Variants in AGMO observed in about 807,000 individuals in gnomAD.
AGMO encodes the protein alkylglycerol monooxygenase.
In AGMO, 75 loss-of-function variants were observed where a neutral mutation model predicts 60.2. That is an observed-to-expected ratio of 1.25 (90% confidence interval 1.03 to 1.51). The LOEUF (loss-of-function observed/expected upper bound fraction) is 1.51. Among genes scored for constraint, AGMO ranks in the 40% most tolerant of loss-of-function variants. The pLI is 0.00. For synonymous variants in AGMO, 261 were observed against 177.1 expected (o/e 1.47, Z -3.76); for missense variants, 763 against 525.5 (o/e 1.45, Z -4.42).
chr7:15,364,264 G>C (rs987780574), intron 12 of AGMO, among the ~76,000 whole-genome samples: 1 of 151,768 alleles, frequency 6.6e-6, no homozygotes, highest in Non-Finnish European at 1.5e-5. Context: ...CAAGCAACAT[G>C]TTAGGTTTTG....
intron 3 of AGMO, among the ~76,000 whole-genome samples, chr7:15,431,871 T>A (rs1781250526): frequency 6.6e-6 from 1 of 151,940 alleles, no homozygotes; most frequent in Admixed American, 6.6e-5. Context: ...GTGTGGTTTT[T>A]AAAAAAATTT....
intron 3 of AGMO, among the ~76,000 whole-genome samples, chr7:15,490,314 A>G (rs940411644): frequency 1.3e-5 from 2 of 152,226 alleles, no homozygotes; most frequent in East Asian, 3.8e-4. Flanking sequence ...AGGTTTTACA[A>G]AATGTTTTGG....
the AGMO span, among the ~76,000 whole-genome samples, chr7:15,178,706 CA>C: frequency 6.6e-6 from 1 of 152,094 alleles, no homozygotes; most frequent in Non-Finnish European, 1.5e-5. Flanking sequence ...TAACATTTTG[CA>C]AGTAGTAAAT....
At chr7:15,533,139 A>G (rs1012681654) in intron 3 of AGMO, among the ~76,000 whole-genome samples, 1 of 152,136 alleles carries the variant, frequency 6.6e-6, no homozygotes, top group African/African-American at 2.4e-5. Flanking sequence ...ATACACATGG[A>G]GATATGTCTT....
intron 12 of AGMO, among the ~76,000 whole-genome samples, chr7:15,215,981 T>G (rs1781726719): frequency 6.6e-6 from 1 of 152,094 alleles, no homozygotes; most frequent in Non-Finnish European, 1.5e-5. Context: ...ATACCACTGG[T>G]CATTCAAAGA....
chr7:15,191,602 G>A, the AGMO span, among the ~76,000 whole-genome samples: 12 of 152,248 alleles, frequency 7.9e-5, no homozygotes, highest in Non-Finnish European at 1.5e-4. Flanking sequence ...TAAGGGCAAC[G>A]AAGTAAGTCT....
intron 12 of AGMO, among the ~76,000 whole-genome samples, chr7:15,242,265 T>C (rs1782612781): frequency 6.6e-6 from 1 of 152,162 alleles, no homozygotes; most frequent in South Asian, 2.1e-4. Context: ...TTACTACACA[T>C]GATCTCTTGA....
At chr7:15,498,160 C>T (rs1783284261) in intron 3 of AGMO, among the ~76,000 whole-genome samples, 1 of 151,910 alleles carries the variant, frequency 6.6e-6, no homozygotes, top group Non-Finnish European at 1.5e-5. Flanking sequence ...GGAAAAACAC[C>T]TCAGAATACA....
At chr7:15,393,602 G>A (rs543553672) in intron 6 of AGMO, among the ~76,000 whole-genome samples, 3 of 152,122 alleles carry the variant, frequency 2.0e-5, no homozygotes, top group Admixed American at 1.3e-4. Context: ...GTCTTTAAAC[G>A]TTAGGCACTT....
At chr7:15,396,607 C>T (rs954373760) in intron 5 of AGMO, 1 of 152,268 alleles carries the variant, frequency 6.6e-6, no homozygotes, top group African/African-American at 2.4e-5. Context: ...CTTTTATTCC[C>T]TTATCCGGCC....
chr7:15,449,392 C>T (rs1173815304), intron 3 of AGMO, among the ~76,000 whole-genome samples: 1 of 152,034 alleles, frequency 6.6e-6, no homozygotes. Context: ...AGCCATGTGC[C>T]ACATAATGCG....
At chr7:15,358,916 A>T (rs1012182231) in intron 12 of AGMO, among the ~76,000 whole-genome samples, 2 of 152,180 alleles carry the variant, frequency 1.3e-5, no homozygotes, top group Non-Finnish European at 2.9e-5. Flanking sequence ...AAATGATAGA[A>T]GCGATTTTAA....
chr7:15,413,859 G>A (rs1235450494), intron 5 of AGMO, among the ~76,000 whole-genome samples: 1 of 152,008 alleles, frequency 6.6e-6, no homozygotes, highest in East Asian at 1.9e-4. Context: ...TGAAAACTTA[G>A]GTTAATGGAA....
At chr7:15,244,720 C>G (rs1017266020) in intron 12 of AGMO, among the ~76,000 whole-genome samples, 6 of 152,064 alleles carry the variant, frequency 3.9e-5, no homozygotes, top group Non-Finnish European at 8.8e-5. Context: ...GGCGCGATCT[C>G]GGCTCACTGC....
intron 4 of AGMO, among the ~76,000 whole-genome samples, chr7:15,429,947 T>C (rs1352323723): frequency 6.6e-6 from 1 of 151,990 alleles, no homozygotes; most frequent in Non-Finnish European, 1.5e-5. Context: ...TGGAGGCATG[T>C]AGAAGAGCAT....
At chr7:15,429,758 G>A (rs1049995322) in intron 4 of AGMO, among the ~76,000 whole-genome samples, 1 of 151,960 alleles carries the variant, frequency 6.6e-6, no homozygotes, top group Admixed American at 6.6e-5. Flanking sequence ...TAGCACACAT[G>A]CCAGTGTATT....
At chr7:15,180,343 TA>T in the AGMO span, among the ~76,000 whole-genome samples, 13 of 151,984 alleles carry the variant, frequency 8.6e-5, no homozygotes, top group Admixed American at 2.6e-4. Flanking sequence ...GCTATTTAGA[TA>T]TTTTTTTTCA....
At chr7:15,463,203 T>C (rs909106747) in intron 3 of AGMO, among the ~76,000 whole-genome samples, 4 of 152,176 alleles carry the variant, frequency 2.6e-5, no homozygotes, top group African/African-American at 4.8e-5. Flanking sequence ...AGAGGCCAGA[T>C]TGCAAACAGA....
chr7:15,234,211 T>C lies in AGMO; in HGVS notation c.1264-32852A>G, dbSNP rs534069020. Among the ~76,000 whole-genome samples the C allele has an allele frequency of 1.1e-4, 16 of 152,304 alleles. No homozygotes were observed. The South Asian group carries it at 3.1e-3, about 30-fold the overall frequency. ...AGTAAATTTATGTTTGTCAGATAAATAATAACTTGAATCTTCCAAATTGAG... is the reference window on the plus strand; with the variant it reads ...AGTAAATTTATGTTTGTCAGATAAACAATAACTTGAATCTTCCAAATTGAG... On this transcript the variant is annotated intron_variant, in intron 12 of 12. Transcript: ENST00000342526.
Sources: allele counts gnomAD v4.1 joint callset (sites outside exome capture counted in the v4.1 genomes callset), GRCh38; gene constraint gnomAD v4.1.1; transcripts MANE v1.5; gene names NCBI Gene and HGNC (gene_info 2026-07-23, HGNC 2026-07-21).